Variants in IL1RAPL1 observed in about 807,000 individuals in gnomAD.
The protein encoded by IL1RAPL1 is interleukin 1 receptor accessory protein like 1, also known as interleukin-1 receptor accessory protein-like 1.
A neutral mutation model predicts 48.4 loss-of-function variants in IL1RAPL1; 3 were observed. The ratio of observed to expected loss-of-function variants is 0.06; its 90% CI spans 0.03 to 0.16. The LOEUF is 0.16. IL1RAPL1 is among the 10% of genes least tolerant of loss of function. IL1RAPL1 has a pLI of 1.00. For synonymous variants in IL1RAPL1, 185 were observed against 187.7 expected (o/e 0.99, Z 0.12); for missense variants, 349 against 530.6 (o/e 0.66, Z 3.36).
chrX:29,333,966 G>T (rs1404801513), intron 3 of IL1RAPL1, among the ~76,000 whole-genome samples: 1 of 96,188 alleles, frequency 1.0e-5, no homozygotes. Context: ...CGGCTGGCCG[G>T]GCGGGGGGCT....
chrX:29,120,242 A>G (rs1462069939), intron 2 of IL1RAPL1, among the ~76,000 whole-genome samples: 1 of 112,299 alleles, frequency 8.9e-6, no homozygotes, highest in Non-Finnish European at 1.9e-5. Flanking sequence ...GGTGTTTCTT[A>G]GGTTTTCTGC....
chrX:29,029,062 C>T (rs1039833907), intron 2 of IL1RAPL1, among the ~76,000 whole-genome samples: 5 of 111,537 alleles, frequency 4.5e-5, no homozygotes, highest in African/African-American at 9.8e-5. Flanking sequence ...ACCTTCTTCA[C>T]AAGGTGGCAA....
At chrX:29,413,614 T>C (rs1214850538) in intron 5 of IL1RAPL1, among the ~76,000 whole-genome samples, 1 of 107,851 alleles carries the variant, frequency 9.3e-6, no homozygotes, top group East Asian at 2.9e-4. Flanking sequence ...GTTTGGTTTT[T>C]TGTCCTTGTG....
At chrX:29,923,069 A>C (rs1304204556) in intron 8 of IL1RAPL1, among the ~76,000 whole-genome samples, 1 of 112,043 alleles carries the variant, frequency 8.9e-6, no homozygotes, top group East Asian at 2.8e-4. Flanking sequence ...GACATAATAA[A>C]ATGATTTCAG....
intron 2 of IL1RAPL1, among the ~76,000 whole-genome samples, chrX:28,871,933 AAAGTTT>A (rs1419337171): frequency 8.9e-6 from 1 of 112,333 alleles, no homozygotes; most frequent in Non-Finnish European, 1.9e-5. Flanking sequence ...ATTCAGCTAT[AAAGTTT>A]AAGATAAAAG....
chrX:29,803,034 C>T (rs1434059616), intron 6 of IL1RAPL1, among the ~76,000 whole-genome samples: 1 of 75,354 alleles, frequency 1.3e-5, no homozygotes, highest in African/African-American at 5.8e-5. Context: ...TACATGTATG[C>T]ATATATACAT....
chrX:28,614,704 T>C (rs952188836), intron 1 of IL1RAPL1, among the ~76,000 whole-genome samples: 4 of 111,102 alleles, frequency 3.6e-5, no homozygotes, highest in Non-Finnish European at 7.5e-5. Context: ...TACTAACAAA[T>C]CTGTGATAAG....
intron 5 of IL1RAPL1, among the ~76,000 whole-genome samples, chrX:29,610,510 TAAGAA>T (rs764853828): frequency 2.6e-4 from 29 of 112,543 alleles, no homozygotes; most frequent in Non-Finnish European, 4.3e-4. Flanking sequence ...CTGGAATTTC[TAAGAA>T]AAGTTCCAGA....
chrX:29,827,703 G>A (rs935772407), intron 6 of IL1RAPL1, among the ~76,000 whole-genome samples: 4 of 112,440 alleles, frequency 3.6e-5, no homozygotes, highest in African/African-American at 9.7e-5. Context: ...CCCTCCACTC[G>A]TCCTTTGACC....
At chrX:28,643,178 C>T (rs926533386) in intron 1 of IL1RAPL1, among the ~76,000 whole-genome samples, 29 of 111,593 alleles carry the variant, frequency 2.6e-4, no homozygotes, top group African/African-American at 6.2e-4. Flanking sequence ...TGTGAGCCAC[C>T]GCACCCGGCA....
chrX:29,020,961 C>G lies in IL1RAPL1; in HGVS notation c.82+231536C>G, dbSNP rs1176535209. 6.3e-5 allele frequency among the ~76,000 whole-genome samples: 7 copies of G among 110,967 alleles called. No homozygotes were observed. The East Asian group carries it at 2.0e-3, about 32-fold the overall frequency. On this transcript the variant is annotated intron_variant, in intron 2 of 10. Transcript: ENST00000378993. ...GTATGACGGGCCAGGTGCGGTGGCTCACGCCTGTAATCCCAGCACTTTGGG... is the reference window on the plus strand; with the variant it reads ...GTATGACGGGCCAGGTGCGGTGGCTGACGCCTGTAATCCCAGCACTTTGGG...
intron 6 of IL1RAPL1, among the ~76,000 whole-genome samples, chrX:29,749,640 T>A (rs1928411998): frequency 8.9e-6 from 1 of 112,005 alleles, no homozygotes; most frequent in African/African-American, 3.2e-5. Flanking sequence ...AAAATTTCAA[T>A]CAGAAGGGAT....
chrX:29,656,983 G>A (rs375342686), intron 5 of IL1RAPL1, among the ~76,000 whole-genome samples: 1 of 110,469 alleles, frequency 9.1e-6, no homozygotes, highest in Non-Finnish European at 1.9e-5. Flanking sequence ...TCTCTTCCCC[G>A]TACCCTATCA....
intron 2 of IL1RAPL1, among the ~76,000 whole-genome samples, chrX:29,265,717 C>T (rs1176772321): frequency 1.0e-5 from 1 of 99,587 alleles, no homozygotes; most frequent in African/African-American, 3.7e-5. Context: ...TGAGAATATG[C>T]GGTGTTTGGT....
intron 1 of IL1RAPL1, among the ~76,000 whole-genome samples, chrX:28,747,959 C>A (rs1935998372): frequency 8.9e-6 from 1 of 111,766 alleles, no homozygotes; most frequent in African/African-American, 3.3e-5. Flanking sequence ...TTTCATACTA[C>A]CACGTATTTT....
intron 1 of IL1RAPL1, among the ~76,000 whole-genome samples, chrX:28,717,469 G>C (rs946847093): frequency 9.0e-6 from 1 of 111,059 alleles, no homozygotes; most frequent in Admixed American, 9.6e-5. Flanking sequence ...ACACATAGAG[G>C]TGAACAGCAC....
chrX:28,608,863 T>G (rs1322283137), intron 1 of IL1RAPL1, among the ~76,000 whole-genome samples: 2 of 112,059 alleles, frequency 1.8e-5, no homozygotes, highest in Non-Finnish European at 3.8e-5. Context: ...TGCATTTTAA[T>G]GAAGAAAGAG....
At chrX:29,058,867 G>A (rs1178610627) in intron 2 of IL1RAPL1, among the ~76,000 whole-genome samples, 1 of 112,135 alleles carries the variant, frequency 8.9e-6, no homozygotes, top group Admixed American at 9.5e-5. Context: ...ACTGTCAATA[G>A]CTCCTTTATT....
chrX:29,679,167 C>G (rs763561833), intron 6 of IL1RAPL1, among the ~76,000 whole-genome samples: 1 of 111,781 alleles, frequency 8.9e-6, no homozygotes, highest in South Asian at 3.7e-4. Flanking sequence ...GGATACTTAA[C>G]AATACGGCAG....
Sources: allele counts gnomAD v4.1 joint callset (sites outside exome capture counted in the v4.1 genomes callset), GRCh38; gene constraint gnomAD v4.1.1; transcripts MANE v1.5; gene names NCBI Gene and HGNC (gene_info 2026-07-23, HGNC 2026-07-21).